Variants in LRP1B observed in about 807,000 individuals in gnomAD.
The protein encoded by LRP1B is LDL receptor related protein 1B, also known as low-density lipoprotein receptor-related protein 1B.
LRP1B carries 217 observed loss-of-function variants against 556.6 expected under a neutral mutation model. That is an observed-to-expected ratio of 0.39 (90% CI 0.35 to 0.44). The LOEUF (loss-of-function observed/expected upper bound fraction) is 0.44. Ranked by LOEUF, LRP1B falls within the 20% of genes least tolerant of loss-of-function variation. The pLI is 1.00. For synonymous variants in LRP1B, 2,047 were observed against 1,865.8 expected (o/e 1.10, Z -2.50); for missense variants, 5,053 against 5,620.8 (o/e 0.90, Z 3.23).
chr2:141,788,688 C>G (rs573088190), intron 2 of LRP1B, among the ~76,000 whole-genome samples: 80 of 150,166 alleles, frequency 5.3e-4, no homozygotes, highest in African/African-American at 2.0e-3. Context: ...CCCCTTCCCC[C>G]CACCCCCACC....
chr2:141,570,595 G>A (rs759397555), intron 2 of LRP1B, among the ~76,000 whole-genome samples: 12 of 69,746 alleles, frequency 1.7e-4, no homozygotes, highest in Admixed American at 1.3e-3. Context: ...GTTTGACCTC[G>A]GAAGAGGGTG....
chr2:140,366,150 A>G lies in LRP1B; in HGVS notation c.11009-1367T>C, dbSNP rs13403070. On this transcript the variant is annotated intron_variant, in intron 71 of 90. Transcript: ENST00000389484. The stretch of plus-strand genomic sequence containing the variant: ...AGACAGTAAAGACAACACTGGAGGA[A>G]AAAGACATATTTCAAGAGAGGTCAT... Among the ~76,000 whole-genome samples the G allele has an allele frequency of 3.0e-3, 457 of 151,824 alleles. 1 individual carries two copies. Among genetic ancestry groups the G allele is most frequent in the African/African-American group, 0.011 (443 of 41,514 alleles).
intron 7 of LRP1B, among the ~76,000 whole-genome samples, chr2:141,126,102 G>A (rs1701203346): frequency 1.3e-5 from 2 of 151,418 alleles, no homozygotes; most frequent in African/African-American, 4.9e-5. Context: ...CAAGATCTCA[G>A]CTCACTGCAA....
chr2:140,788,443 A>G (rs1689987159), intron 32 of LRP1B, among the ~76,000 whole-genome samples: 1 of 152,122 alleles, frequency 6.6e-6, no homozygotes, highest in Non-Finnish European at 1.5e-5. Context: ...TAACAGTGTA[A>G]TTACTGTTGG....
intron 3 of LRP1B, among the ~76,000 whole-genome samples, chr2:141,259,870 A>T (rs1013174415): frequency 6.6e-6 from 1 of 151,332 alleles, no homozygotes; most frequent in Non-Finnish European, 1.5e-5. Context: ...TATTGCTGAC[A>T]CATAGTAACT....
intron 1 of LRP1B, among the ~76,000 whole-genome samples, chr2:141,929,912 C>CAAAAAAAA: frequency 9.6e-6 from 1 of 104,134 alleles, no homozygotes; most frequent in Non-Finnish European, 1.8e-5. Context: ...CGGATGGAAA[C>CAAAAAAAA]AAAAAAAAAA....
At chr2:140,941,123 C>T (rs1187892836) in intron 20 of LRP1B, among the ~76,000 whole-genome samples, 1 of 151,942 alleles carries the variant, frequency 6.6e-6, no homozygotes, top group African/African-American at 2.4e-5. Context: ...AACAGCATGA[C>T]ATTAAGAGAA....
At chr2:141,452,512 T>C (rs1236177238) in intron 3 of LRP1B, among the ~76,000 whole-genome samples, 2 of 152,260 alleles carry the variant, frequency 1.3e-5, no homozygotes, top group Non-Finnish European at 2.9e-5. Context: ...CTGTTTTCTG[T>C]AAACTCTACT....
intron 2 of LRP1B, among the ~76,000 whole-genome samples, chr2:141,715,977 T>C (rs149053445): frequency 7.9e-5 from 12 of 152,302 alleles, no homozygotes; most frequent in African/African-American, 2.6e-4. Flanking sequence ...GGACTATTTG[T>C]TGATAGTCAA....
chr2:141,839,540 A>C (rs548905599), intron 1 of LRP1B, among the ~76,000 whole-genome samples: 1 of 152,306 alleles, frequency 6.6e-6, no homozygotes, highest in Admixed American at 6.5e-5. Context: ...GTCACTATAA[A>C]TTGGTAAACA....
Position 141,013,753 on chromosome 2 carries a change from A to T in LRP1B, c.2191-8T>A. On this transcript the variant is annotated splice_region_variant and splice_polypyrimidine_tract_variant and intron_variant, in intron 13 of 90. Coordinates refer to ENST00000389484, the MANE Select transcript of LRP1B (RefSeq NM_018557.3). ...TCTCCCACTGTAAACAATCTGTAAA[A>T]TATAAACACATTGTGAAAAATCAGA... 1 of 1,499,818 alleles carries T rather than the reference A, an allele frequency of 6.7e-7. No homozygotes were observed. Among genetic ancestry groups the T allele is most frequent in the Non-Finnish European group, 8.9e-7 (1 of 1,122,102 alleles). 92.9% of individuals were successfully genotyped at this position (1,499,818 alleles called of 1,614,324 possible).
chr2:140,669,464 A>T (rs1306368522), intron 41 of LRP1B, among the ~76,000 whole-genome samples: 1 of 152,180 alleles, frequency 6.6e-6, no homozygotes, highest in Admixed American at 6.5e-5. Context: ...GAAGAGTTTT[A>T]AAAAGGGAAA....
At chr2:141,602,382 T>C (rs1687779776) in intron 2 of LRP1B, among the ~76,000 whole-genome samples, 1 of 152,192 alleles carries the variant, frequency 6.6e-6, no homozygotes, top group Admixed American at 6.5e-5. Flanking sequence ...GTAATCCACA[T>C]ATAGTTAATT....
chr2:140,828,128 C>A (rs899706754), intron 31 of LRP1B, among the ~76,000 whole-genome samples: 3 of 151,898 alleles, frequency 2.0e-5, no homozygotes, highest in South Asian at 2.1e-4. Context: ...AAAGGGAATT[C>A]TTCAATATGC....
intron 2 of LRP1B, among the ~76,000 whole-genome samples, chr2:141,668,972 G>A (rs1438329207): frequency 2.0e-5 from 3 of 152,222 alleles, no homozygotes; most frequent in East Asian, 1.9e-4. Flanking sequence ...CCTGTGGCAC[G>A]TCACAATACC....
At chr2:141,380,464 T>C (rs1462613960) in intron 3 of LRP1B, among the ~76,000 whole-genome samples, 4 of 152,178 alleles carry the variant, frequency 2.6e-5, no homozygotes. Context: ...AATCAAGCCT[T>C]CAACTTCTCC....
At chr2:140,251,661 C>T (rs755957232) in intron 86 of LRP1B, among the ~76,000 whole-genome samples, 2 of 151,754 alleles carry the variant, frequency 1.3e-5, no homozygotes, top group African/African-American at 4.8e-5. Flanking sequence ...AAAGAAAAAT[C>T]TTTTAATATA....
At chr2:141,809,584 T>C (rs901894563) in intron 2 of LRP1B, among the ~76,000 whole-genome samples, 1 of 152,090 alleles carries the variant, frequency 6.6e-6, no homozygotes, top group African/African-American at 2.4e-5. Context: ...TATTATTATT[T>C]ATAATTTGTT....
At chr2:141,765,343 T>C (rs1043234157) in intron 2 of LRP1B, among the ~76,000 whole-genome samples, 15 of 152,366 alleles carry the variant, frequency 9.8e-5, no homozygotes, top group African/African-American at 3.1e-4. Flanking sequence ...GGTATTAACA[T>C]TGTTTTAGAT....
Sources: gnomAD v4.1 joint callset for allele counts (sites outside exome capture counted in the v4.1 genomes callset) on GRCh38, gnomAD v4.1.1 for gene constraint, MANE v1.5 for transcripts, NCBI Gene and HGNC (gene_info 2026-07-23, HGNC 2026-07-21) for gene names.